Variants in LIMCH1 observed in about 807,000 individuals in gnomAD.
LIMCH1 encodes the protein LIM and calponin homology domains-containing protein 1.
LIMCH1 carries 113 observed loss-of-function variants against 176.5 expected under a neutral mutation model. That is an observed-to-expected ratio of 0.64 (90% CI 0.55 to 0.75). The LOEUF (loss-of-function observed/expected upper bound fraction) is 0.75. Ranked by LOEUF, LIMCH1 falls within the 30% of genes least tolerant of loss-of-function variation. The pLI, the probability that LIMCH1 is intolerant of heterozygous loss-of-function variation, is 0.00. For synonymous variants in LIMCH1, 619 were observed against 645.9 expected (o/e 0.96, Z 0.63); for missense variants, 1,674 against 1,814.9 (o/e 0.92, Z 1.41).
intron 1 of LIMCH1, among the ~76,000 whole-genome samples, chr4:41,467,168 C>T (rs879396476): frequency 0.27 from 24,069 of 88,684 alleles, 2,454 homozygotes; most frequent in African/African-American, 0.48. Context: ...TACACACACA[C>T]ACACACACAC....
intron 2 of LIMCH1, among the ~76,000 whole-genome samples, chr4:41,510,122 G>A (rs2074692053): frequency 6.6e-6 from 1 of 151,704 alleles, no homozygotes; most frequent in Non-Finnish European, 1.5e-5. Flanking sequence ...TAGCAGAATT[G>A]TCACTTGGAA....
At chr4:41,567,808 G>C (rs1053731110) in intron 1 of LIMCH1, among the ~76,000 whole-genome samples, 1 of 152,104 alleles carries the variant, frequency 6.6e-6, no homozygotes, top group Non-Finnish European at 1.5e-5. Context: ...GTGCTTAAGT[G>C]GCATCAGAAA....
At chr4:41,584,627 T>C (rs1402706582) in intron 1 of LIMCH1, among the ~76,000 whole-genome samples, 3 of 152,210 alleles carry the variant, frequency 2.0e-5, no homozygotes, top group African/African-American at 4.8e-5. Flanking sequence ...TGATCCAGAA[T>C]CTCCTGGGAC....
intron 9 of LIMCH1, among the ~76,000 whole-genome samples, chr4:41,630,337 A>G (rs2093250237): frequency 6.6e-6 from 1 of 152,164 alleles, no homozygotes; most frequent in Non-Finnish European, 1.5e-5. Flanking sequence ...AGCTCAGCAT[A>G]TGCAGCATGA....
At chr4:41,631,029 G>T (rs2152865495) in intron 9 of LIMCH1, 119 bp from the exon 10 acceptor site, 1 of 835,318 alleles carries the variant, frequency 1.2e-6, no homozygotes, top group South Asian at 2.0e-5. Context: ...TCAGTGGGAT[G>T]CCGAACTCAC....
At chr4:41,388,641 A>T (rs1581379052) in intron 1 of LIMCH1, among the ~76,000 whole-genome samples, 1 of 138,122 alleles carries the variant, frequency 7.2e-6, no homozygotes, top group Non-Finnish European at 1.5e-5. Context: ...CTATGCATCC[A>T]TTAAGCTTTT....
chr4:41,448,617 T>C (rs2063519185), intron 1 of LIMCH1, among the ~76,000 whole-genome samples: 1 of 152,206 alleles, frequency 6.6e-6, no homozygotes, highest in African/African-American at 2.4e-5. Flanking sequence ...ATTTAAAATA[T>C]GCAAATCATG....
chr4:41,543,412 C>T (rs2078939844), intron 1 of LIMCH1, among the ~76,000 whole-genome samples: 1 of 152,114 alleles, frequency 6.6e-6, no homozygotes, highest in African/African-American at 2.4e-5. Flanking sequence ...ACATAACTTA[C>T]ATTTAAGAAA....
intron 1 of LIMCH1, among the ~76,000 whole-genome samples, chr4:41,544,641 T>C (rs543616721): frequency 3.7e-4 from 57 of 152,022 alleles, no homozygotes; most frequent in Admixed American, 1.2e-3. Flanking sequence ...CAAGGCTGGG[T>C]GGTTCTTCTA....
At chr4:41,400,023 C>A (rs372719481) in intron 1 of LIMCH1, among the ~76,000 whole-genome samples, 1 of 145,576 alleles carries the variant, frequency 6.9e-6, no homozygotes, top group Non-Finnish European at 1.5e-5. Flanking sequence ...TTTTTTTGGT[C>A]TTTTTTTGAG....
chr4:41,518,955 T>A (rs1363368167), intron 2 of LIMCH1, among the ~76,000 whole-genome samples: 3 of 152,192 alleles, frequency 2.0e-5, no homozygotes, highest in African/African-American at 4.8e-5. Flanking sequence ...GGTGTATATG[T>A]GCCACATTTT....
At position 41,362,928 on chromosome 4, in the gene LIMCH1, A is replaced by G. The variant is rs1007652559; in HGVS notation, c.96+1992A>G. On this transcript the variant is annotated intron_variant, in intron 1 of 26. Coordinates refer to the LIMCH1 transcript ENST00000313860. ...TTCTTGATGCTTTACCATTCATACC[A>G]ATTTAAGAATGTGAAAACCGTAATG... Among the ~76,000 whole-genome samples the G allele has an allele frequency of 2.6e-5, 4 of 152,318 alleles. No homozygotes were observed. In the South Asian group the frequency reaches 8.3e-4, roughly 32 times the overall value.
At position 41,626,875 on chromosome 4, in the gene LIMCH1, T is replaced by C. The variant is rs1173469210; in HGVS notation, c.893T>C (p.Met298Thr). 1.3e-6 allele frequency: 2 copies of C among 1,535,992 alleles called. No homozygotes were observed. The highest frequency in any genetic ancestry group is 1.4e-5 in the African/African-American group (1 of 73,024). ...GACTTTGCTGCAAGGAGAGCAAGGA[T>C]GAACCAAACCAAGCCAATGGTGCCA... ...KDDFAARRAR[M>T]NQTKPMVPLN... Residue 298 changes from methionine to threonine, a missense_variant, in exon 8 of 32, where the codon ATG (methionine) becomes ACG (threonine). Physicochemically the swap from Met to Thr is moderately conservative, Grantham distance 81. Transcript: ENST00000503057.
chr4:41,620,592 T>A lies in LIMCH1; in HGVS notation c.627T>A (p.Ala209=), dbSNP rs1302956939. The A allele has an allele frequency of 3.8e-5, 59 of 1,535,970 alleles. No individual in the cohort carries two copies. Among genetic ancestry groups the A allele is most frequent in the Non-Finnish European group, 5.1e-5 (58 of 1,146,904 alleles). ...CAGACGGGGCTGTGGTGGCACCAGC[T>A]CCCAAGTCTGAAGAAAAAGATGCTG... The part of the protein sequence containing the change: ...PSSDGAVVAP[A]PKSEEKDAAE... Residue 209 remains alanine, a synonymous_variant, in exon 7 of 32, where the codon GCT becomes GCA. Transcript: ENST00000503057.
intron 2 of LIMCH1, among the ~76,000 whole-genome samples, chr4:41,503,120 T>C (rs1224119557): frequency 2.0e-5 from 3 of 152,206 alleles, no homozygotes; most frequent in Non-Finnish European, 4.4e-5. Flanking sequence ...CAAAGTTGGC[T>C]ACTATTAGCT....
chr4:41,572,012 G>A lies in LIMCH1; in HGVS notation c.-240-26908G>A, dbSNP rs991686698. ...AATCTCCAATGATTTCTACCTAAGC[G>A]TGAATGAAACATGAAAGGAGCAGTT... On this transcript the variant is annotated intron_variant, in intron 1 of 31. Transcript: ENST00000503057. 2.0e-5 allele frequency among the ~76,000 whole-genome samples: 3 copies of A among 152,146 alleles called. No homozygotes were observed. The South Asian group carries it at 6.2e-4, about 32-fold the overall frequency.
chr4:41,671,044 G>C (rs1291441357), intron 21 of LIMCH1: 141 of 897,068 alleles, frequency 1.6e-4, no homozygotes, highest in Non-Finnish European at 1.7e-4. Flanking sequence ...ATTTTCTTGA[G>C]AGTCCCCTGC....
chr4:41,483,963 C>T (rs868782957), intron 1 of LIMCH1, among the ~76,000 whole-genome samples: 1 of 152,184 alleles, frequency 6.6e-6, no homozygotes, highest in Admixed American at 6.5e-5. Context: ...TAGTTTTGAG[C>T]CCTTGGGCAA....
chr4:41,471,053 A>G (rs935141260), intron 1 of LIMCH1, among the ~76,000 whole-genome samples: 1 of 142,454 alleles, frequency 7.0e-6, no homozygotes, highest in African/African-American at 2.7e-5. Context: ...TTTAACATAG[A>G]TGGAAGACTA....
Sources: gnomAD v4.1 joint callset for allele counts (sites outside exome capture counted in the v4.1 genomes callset) on GRCh38, gnomAD v4.1.1 for gene constraint, MANE v1.5 for transcripts, NCBI Gene and HGNC (gene_info 2026-07-23, HGNC 2026-07-21) for gene names.